The following PELI1 variants were observed in gnomAD, a reference collection of about 807,000 sequenced individuals.
PELI1 encodes pellino E3 ubiquitin protein ligase 1, also known as E3 ubiquitin-protein ligase pellino homolog 1.
In PELI1, 15 loss-of-function variants were observed where a neutral mutation model predicts 41.3. The ratio of observed to expected loss-of-function variants is 0.36; its 90% CI spans 0.24 to 0.56. The LOEUF (loss-of-function observed/expected upper bound fraction) is 0.56, where lower values mean the gene tolerates loss of function less well. PELI1 is among the 20% of genes least tolerant of loss of function. PELI1 has a pLI of 0.82. For synonymous variants in PELI1, 178 were observed against 180.1 expected, an observed-to-expected ratio of 0.99 and a Z score of 0.09; for missense variants, 403 against 525.5, an observed-to-expected ratio of 0.77 and a Z score of 2.28.
rs1021872347 is a variant in PELI1, at chr2:64,124,457, C to T, written c.-69-16078G>A. 3.3e-5 allele frequency among the ~76,000 whole-genome samples: 5 copies of T among 152,302 alleles called. No homozygotes were observed. In the South Asian group the frequency reaches 1.0e-3, roughly 32 times the overall value. ...CGATCTTATGCAACTTTATAACCTA[C>T]ATAAATTTTAAAAATTCTAGATACT... On this transcript the variant is annotated intron_variant, in intron 1 of 6. Coordinates refer to ENST00000358912, the MANE Select transcript of PELI1 (RefSeq NM_020651.4).
chr2:64,105,725 T>C (rs1680596897), intron 2 of PELI1, among the ~76,000 whole-genome samples: 1 of 152,230 alleles, frequency 6.6e-6, no homozygotes. Flanking sequence ...TGTGGTTATG[T>C]CATTCTTTAC....
At chr2:64,140,876 T>G (rs898374134) in intron 1 of PELI1, among the ~76,000 whole-genome samples, 5 of 150,554 alleles carry the variant, frequency 3.3e-5, no homozygotes, top group Non-Finnish European at 7.4e-5. Context: ...ATTCTTGTCT[T>G]GAGGTTCCCA....
intron 1 of PELI1, among the ~76,000 whole-genome samples, chr2:64,115,450 A>G (rs1055632996): frequency 6.6e-6 from 1 of 152,144 alleles, no homozygotes. Context: ...CTTTCACGTA[A>G]GATTATTTTA....
chr2:64,103,507 G>A (rs893165070), intron 3 of PELI1, among the ~76,000 whole-genome samples: 2 of 152,130 alleles, frequency 1.3e-5, no homozygotes, highest in Admixed American at 6.6e-5. Context: ...GGGAGCTACT[G>A]TAAGAAGCTC....
chr2:64,112,866 T>A (rs1236726791), intron 1 of PELI1, among the ~76,000 whole-genome samples: 1 of 152,182 alleles, frequency 6.6e-6, no homozygotes, highest in African/African-American at 2.4e-5. Flanking sequence ...GAAAGATTCA[T>A]GATCTTCCCA....
rs1056445146 is a variant in PELI1 at position 64,093,502 on chromosome 2, T to A, written c.*1200A>T. The A allele has an allele frequency of 6.6e-6, 1 of 152,612 alleles. No homozygotes were observed. The highest frequency in any genetic ancestry group is 1.5e-5 in the Non-Finnish European group (1 of 68,036). 9.5% of individuals were successfully genotyped at this position (152,612 alleles called of 1,614,324 possible). A position where few individuals can be genotyped will look rare whatever the true frequency, so the allele number is the denominator to read the frequency against. ...CTTGCTTCTGGAAGCAAAAGACATA[T>A]TGGAATTAGAGAATAAACAGACCAT... is the stretch of plus-strand genomic sequence containing the variant. On this transcript the variant is annotated 3_prime_UTR_variant, in exon 7 of 7. Coordinates refer to ENST00000358912, the MANE Select transcript of PELI1 (RefSeq NM_020651.4).
chr2:64,104,783 C>T lies in PELI1; in HGVS notation c.119G>A (p.Arg40Lys). The T allele has an allele frequency of 6.2e-7, 1 of 1,612,664 alleles. No homozygotes were observed. The highest frequency in any genetic ancestry group is 1.7e-5 in the Admixed American group (1 of 59,902). ...CTTAGGTCTTTTAAACAAAGCAAAC[C>T]TACTTTTCCTCCTTCCTCTATCGCC... ...PNGDRGRRKS[R>K]FALFKRPKAN... The change falls in exon 3 of 7, where the codon AGG becomes AAG. Residue 40 changes from arginine to lysine, a missense_variant. Transcript: ENST00000358912.
At chr2:64,133,916 G>C (rs1681638258) in intron 1 of PELI1, among the ~76,000 whole-genome samples, 1 of 152,050 alleles carries the variant, frequency 6.6e-6, no homozygotes, top group Non-Finnish European at 1.5e-5. Flanking sequence ...ACAACCTATA[G>C]ATTTTATCAT....
At chr2:64,095,743 A>G (rs1379457136) in intron 6 of PELI1, among the ~76,000 whole-genome samples, 2 of 152,236 alleles carry the variant, frequency 1.3e-5, no homozygotes, top group South Asian at 2.1e-4. Context: ...TGCCAGGTTC[A>G]AGCTATTCTC....
chr2:64,108,117 G>A, intron 2 of PELI1, 123 bp downstream of exon 2: 1 of 625,280 alleles, frequency 1.6e-6, no homozygotes, highest in Non-Finnish European at 2.9e-6. Context: ...ATTACCTGTA[G>A]CTTTAAATTC....
At position 64,092,773 on chromosome 2, in the gene PELI1, T is replaced by C. The variant is rs1046012908; in HGVS notation, c.*1929A>G. The C allele has an allele frequency of 6.6e-6, 1 of 151,052 alleles. No individual in the cohort carries two copies. Among genetic ancestry groups the C allele is most frequent in the African/African-American group, 2.5e-5 (1 of 40,498 alleles). 9.4% of individuals were successfully genotyped at this position (151,052 alleles called of 1,614,324 possible). A position where few individuals can be genotyped will look rare whatever the true frequency, so the allele number is the denominator to read the frequency against. On this transcript the variant is annotated 3_prime_UTR_variant, in exon 7 of 7. Transcript: ENST00000358912. ...CTATTTCAAATGAGTATTTTTGGAG[T>C]GTGGAATAGAGTTGTTCACAGTTTT...
At chr2:64,127,158 A>G (rs941148717) in intron 1 of PELI1, among the ~76,000 whole-genome samples, 4 of 152,252 alleles carry the variant, frequency 2.6e-5, no homozygotes, top group East Asian at 1.9e-4. Context: ...AGGTTGTTAA[A>G]TAACACTTGT....
intron 1 of PELI1, among the ~76,000 whole-genome samples, chr2:64,137,754 T>C (rs978339844): frequency 2.6e-5 from 4 of 152,144 alleles, no homozygotes; most frequent in Admixed American, 6.5e-5. Context: ...TCATATCTGA[T>C]AAATAACATG....
chr2:64,127,418 T>C (rs997858172), intron 1 of PELI1, among the ~76,000 whole-genome samples: 5 of 152,212 alleles, frequency 3.3e-5, no homozygotes, highest in African/African-American at 9.6e-5. Context: ...TGTATGAAAT[T>C]TGTTGGGATA....
intron 2 of PELI1, among the ~76,000 whole-genome samples, chr2:64,105,165 T>C (rs1351668736): frequency 2.0e-5 from 3 of 152,218 alleles, no homozygotes; most frequent in Non-Finnish European, 4.4e-5. Flanking sequence ...TCATTCTGTT[T>C]TTTTAAGGTG....
At chr2:64,117,458 C>T (rs1489771859) in intron 1 of PELI1, among the ~76,000 whole-genome samples, 1 of 151,522 alleles carries the variant, frequency 6.6e-6, no homozygotes, top group African/African-American at 2.4e-5. Context: ...GTTTGATTCT[C>T]CATGGGGAGG....
chr2:64,122,014 C>T (rs1030458422), intron 1 of PELI1, among the ~76,000 whole-genome samples: 12 of 151,382 alleles, frequency 7.9e-5, no homozygotes, highest in Non-Finnish European at 1.5e-4. Context: ...CTTTTCTTTT[C>T]AAAACTACAT....
At chr2:64,132,113 T>C (rs1378009097) in intron 1 of PELI1, among the ~76,000 whole-genome samples, 1 of 152,224 alleles carries the variant, frequency 6.6e-6, no homozygotes, top group Non-Finnish European at 1.5e-5. Flanking sequence ...CTCTTTCCAC[T>C]AGACCAAGTC....
At chr2:64,131,269 T>TTTTTTTTTTTTTTTTTTTGAG in intron 1 of PELI1, among the ~76,000 whole-genome samples, 1 of 151,936 alleles carries the variant, frequency 6.6e-6, no homozygotes, top group Non-Finnish European at 1.5e-5. Context: ...GATATATTCT[T>TTTTTTTTTTTTTTTTTTTGAG]AAAGCTCTCA....
Sources: gnomAD v4.1 joint callset for allele counts (sites outside exome capture counted in the v4.1 genomes callset) on GRCh38, gnomAD v4.1.1 for gene constraint, MANE v1.5 for transcripts, NCBI Gene and HGNC (gene_info 2026-07-23, HGNC 2026-07-21) for gene names.